The following MYBL2 variants were observed in gnomAD, a reference collection of about 807,000 sequenced individuals.
The protein encoded by MYBL2 is MYB proto-oncogene like 2, also known as myb-related protein B.
In MYBL2, 28 loss-of-function variants were observed where a neutral mutation model predicts 79.9. The ratio of observed to expected loss-of-function variants is 0.35; its 90% CI spans 0.26 to 0.48. MYBL2 has a LOEUF of 0.48. Among genes scored for constraint, MYBL2 ranks in the 20% least tolerant of loss-of-function variants. MYBL2 has a pLI of 0.99. For synonymous variants in MYBL2, 378 were observed against 361.2 expected, an observed-to-expected ratio of 1.05 and a Z score of -0.53; for missense variants, 735 against 893.9, an observed-to-expected ratio of 0.82 and a Z score of 2.27.
At chr20:43,670,978 T>TTC (rs1248237224) in intron 1 of MYBL2, among the ~76,000 whole-genome samples, 1 of 92,972 alleles carries the variant, frequency 1.1e-5, no homozygotes, top group African/African-American at 3.8e-5. Context: ...TCTTTTTTTT[T>TTC]TTTTTTTTGA....
rs568834129 is a variant in MYBL2 at position 43,710,427 on chromosome 20, GTC to G, written c.1605+369_1605+370del. On this transcript the variant is annotated intron_variant, in intron 10 of 13. Coordinates refer to ENST00000217026, the MANE Select transcript of MYBL2 (RefSeq NM_002466.4). ...AAGTGGCAAATTGCTACTCTGGCCT[GTC>G]TCTGACCAACTCCCAGTTCTCTACA... Among the ~76,000 whole-genome samples, 481 of 152,308 alleles carry G rather than the reference GTC, an allele frequency of 3.2e-3. 3 individuals carry two copies. Among genetic ancestry groups the G allele is most frequent in the Non-Finnish European group, 4.7e-3 (320 of 68,026 alleles).
At chr20:43,709,080 A>G (rs1036341120) in intron 9 of MYBL2, among the ~76,000 whole-genome samples, 3 of 152,204 alleles carry the variant, frequency 2.0e-5, no homozygotes, top group African/African-American at 7.2e-5. Flanking sequence ...AGCTGCGGGA[A>G]GTGGAGGCGG....
At chr20:43,678,811 C>T (rs1176197325) in intron 2 of MYBL2, among the ~76,000 whole-genome samples, 16 of 139,958 alleles carry the variant, frequency 1.1e-4, no homozygotes, top group African/African-American at 3.5e-4. Context: ...GAGCTGAGAT[C>T]GCACCATTGC....
intron 11 of MYBL2, among the ~76,000 whole-genome samples, chr20:43,712,628 A>G (rs1987933643): frequency 6.6e-6 from 1 of 152,036 alleles, no homozygotes; most frequent in East Asian, 1.9e-4. Flanking sequence ...TTCCCATATT[A>G]CTGGCCTGTG....
intron 1 of MYBL2, among the ~76,000 whole-genome samples, chr20:43,669,302 G>A (rs1986805177): frequency 1.3e-5 from 2 of 152,156 alleles, no homozygotes; most frequent in African/African-American, 4.8e-5. Context: ...CTTGCCTGGC[G>A]CCATCCTGAT....
Position 43,667,224 on chromosome 20 carries a change from G to GGCTCCC in MYBL2, c.-54_-49dup. The stretch of plus-strand genomic sequence containing the variant: ...GCAGCCCGGGTCCTGACCCCGGCCC[G>GGCTCCC]GCTCCCGCTCCGGGCTCTGCCGGCG... On this transcript the variant is annotated 5_prime_UTR_variant, in exon 1 of 14. Coordinates refer to ENST00000217026, the MANE Select transcript of MYBL2 (RefSeq NM_002466.4). The GGCTCCC allele has an allele frequency of 8.5e-7, 1 of 1,178,676 alleles. No homozygotes were observed. Among genetic ancestry groups the GGCTCCC allele is most frequent in the Non-Finnish European group, 1.1e-6 (1 of 950,980 alleles). The allele number at this position is 1,178,676 out of a possible 1,614,324, so 73.0% of individuals were successfully genotyped here.
chr20:43,712,698 C>G (rs1311494531), intron 11 of MYBL2, among the ~76,000 whole-genome samples: 1 of 152,122 alleles, frequency 6.6e-6, no homozygotes, highest in Non-Finnish European at 1.5e-5. Flanking sequence ...GGGGCTGTGT[C>G]TGGTCCATTC....
chr20:43,692,661 C>T (rs560535389), intron 6 of MYBL2, among the ~76,000 whole-genome samples: 1 of 152,248 alleles, frequency 6.6e-6, no homozygotes, highest in African/African-American at 2.4e-5. Flanking sequence ...TGGCTGGGTG[C>T]GTTGGTTCAC....
chr20:43,673,729 G>A (rs1258236268), intron 1 of MYBL2, 77 bp from the exon 2 acceptor site: 10 of 1,408,728 alleles, frequency 7.1e-6, no homozygotes, highest in African/African-American at 1.4e-5. Context: ...GGGTGGGCTG[G>A]CCGCTGCCTA....
intron 4 of MYBL2, among the ~76,000 whole-genome samples, chr20:43,685,688 G>T (rs1987256078): frequency 6.6e-6 from 1 of 151,998 alleles, no homozygotes; most frequent in Non-Finnish European, 1.5e-5. Flanking sequence ...CCAGGAGACG[G>T]AGGTTGCAGT....
Position 43,707,965 on chromosome 20 carries a change from A to T in MYBL2, c.1506-1998A>T, listed in dbSNP as rs1003480452. ...TAAGCCATTTCCTTAATCTTCGGAG[A>T]ACATGATGGGATTGTTTTCTGATTC... On this transcript the variant is annotated intron_variant, in intron 9 of 13. Coordinates refer to ENST00000217026, the MANE Select transcript of MYBL2 (RefSeq NM_002466.4). Among the ~76,000 whole-genome samples, 2 of 152,122 alleles carry T rather than the reference A, an allele frequency of 1.3e-5. 1 individual carries two copies.
intron 5 of MYBL2, 72 bp downstream of exon 5, chr20:43,687,144 C>A: frequency 1.3e-6 from 2 of 1,484,698 alleles, no homozygotes; most frequent in Non-Finnish European, 9.2e-7. Flanking sequence ...GAGGAGGGTT[C>A]CTGGGTGGGT....
At position 43,681,662 on chromosome 20, in the gene MYBL2, G is replaced by T. The variant is rs539313014; in HGVS notation, c.115-122G>T. 33 of 979,334 alleles carry T rather than the reference G, an allele frequency of 3.4e-5. 1 individual carries two copies. The East Asian group carries it at 7.7e-4, about 23-fold the overall frequency. 60.7% of individuals were successfully genotyped at this position (979,334 alleles called of 1,614,324 possible). ...AGCTGTAGTGCCTGGCACCTTGTAC[G>T]TATTCACTTCATGACGGAATGGATG... On this transcript the variant is annotated intron_variant, in intron 2 of 13. Coordinates refer to ENST00000217026, the MANE Select transcript of MYBL2 (RefSeq NM_002466.4).
chr20:43,684,282 G>A (rs1460433398), intron 4 of MYBL2, among the ~76,000 whole-genome samples: 2 of 151,292 alleles, frequency 1.3e-5, no homozygotes, highest in Non-Finnish European at 2.9e-5. Context: ...CTGTCGTCCA[G>A]GCTGGAGTGC....
intron 9 of MYBL2, among the ~76,000 whole-genome samples, chr20:43,707,306 C>T (rs1193341796): frequency 6.6e-6 from 1 of 152,038 alleles, no homozygotes; most frequent in East Asian, 1.9e-4. Flanking sequence ...TTGGACTTCG[C>T]ATCTAAGCCC....
In MYBL2 at chr20:43,668,042, C is replaced by G. The variant is rs74734799; in HGVS notation, c.20+739C>G. Among the ~76,000 whole-genome samples the G allele has an allele frequency of 7.6e-3, 1,150 of 152,054 alleles. 16 individuals are homozygous for G. The highest frequency in any genetic ancestry group is 0.027 in the African/African-American group (1,109 of 41,472). On this transcript the variant is annotated intron_variant, in intron 1 of 13. Transcript: ENST00000217026. ...GAGACTTAAGTGGCAGAGCTGAGCC[C>G]GGAGCCAGGTCTGTGGCTCCAGATC...
intron 8 of MYBL2, 53 bp from the exon 9 acceptor site, chr20:43,705,166 G>A (rs545744571): frequency 6.3e-7 from 1 of 1,596,524 alleles, no homozygotes; most frequent in East Asian, 2.3e-5. Flanking sequence ...GAGGTCTCAG[G>A]GATACTCATG....
intron 1 of MYBL2, among the ~76,000 whole-genome samples, chr20:43,669,224 A>C (rs1986802614): frequency 6.6e-6 from 1 of 151,938 alleles, no homozygotes; most frequent in African/African-American, 2.4e-5. Flanking sequence ...CTGGTCTCGA[A>C]CTCCTGGCTT....
Position 43,702,807 on chromosome 20 carries a change from C to T in MYBL2, c.1269C>T (p.Val423=). ...AGAGGCGTGTGGCTCTGTCCCCTGT[C>T]ACTGAGAATAGCACCAGTCTGTCCT... ...QRKRRVALSP[V]TENSTSLSFL... is the part of the protein sequence containing the mutation. Residue 423 remains valine, a synonymous_variant, in exon 8 of 14, where the codon GTC becomes GTT. Coordinates refer to ENST00000217026, the MANE Select transcript of MYBL2 (RefSeq NM_002466.4). 2 of 1,614,234 alleles carry T rather than the reference C, an allele frequency of 1.2e-6. No individual in the cohort carries two copies. The highest frequency in any genetic ancestry group is 1.7e-6 in the Non-Finnish European group (2 of 1,180,048).
Sources: gnomAD v4.1 joint callset for allele counts (sites outside exome capture counted in the v4.1 genomes callset) on GRCh38, gnomAD v4.1.1 for gene constraint, MANE v1.5 for transcripts, NCBI Gene and HGNC (gene_info 2026-07-23, HGNC 2026-07-21) for gene names.